The following CFAP36 variants were observed in gnomAD, a reference collection of about 807,000 sequenced individuals.
CFAP36 encodes the protein cilia- and flagella-associated protein 36.
In CFAP36, 37 loss-of-function variants were observed where a neutral mutation model predicts 50.5. That is an observed-to-expected ratio of 0.73 (90% CI 0.56 to 0.96). The LOEUF is 0.96. Ranked by LOEUF, CFAP36 falls within the 50% of genes least tolerant of loss-of-function variation. The pLI is 0.00. For missense variants in CFAP36, 407 were observed against 396.2 expected (o/e 1.03, Z -0.23); for synonymous variants, 138 against 128.2 (o/e 1.08, Z -0.52).
intron 5 of CFAP36, among the ~76,000 whole-genome samples, chr2:55,534,552 A>G (rs574601171): frequency 7.3e-4 from 111 of 152,254 alleles, no homozygotes; most frequent in African/African-American, 2.5e-3. Flanking sequence ...GGTAATGGAC[A>G]TTTCTTTTTC....
chr2:55,538,295 CT>C (rs35529401), intron 7 of CFAP36, among the ~76,000 whole-genome samples: 68,300 of 132,626 alleles, frequency 0.51, 18,066 homozygotes, highest in Non-Finnish European at 0.62. Flanking sequence ...TTTCTTTTAT[CT>C]TTTTTTTTTT....
At chr2:55,538,018 G>T (rs1684537745) in intron 7 of CFAP36, among the ~76,000 whole-genome samples, 2 of 152,156 alleles carry the variant, frequency 1.3e-5, no homozygotes, top group Non-Finnish European at 2.9e-5. Context: ...TAGCCATTTT[G>T]TCCAGATATT....
chr2:55,543,472 C>G (rs1684693778), intron 7 of CFAP36, among the ~76,000 whole-genome samples: 1 of 152,144 alleles, frequency 6.6e-6, no homozygotes, highest in African/African-American at 2.4e-5. Context: ...ACATTACTGG[C>G]ATGCACTCTT....
At chr2:55,520,538 G>T in intron 1 of CFAP36, 1 of 1,347,088 alleles carries the variant, frequency 7.4e-7, no homozygotes, top group Non-Finnish European at 1.0e-6. Context: ...GACCATTCTT[G>T]GAACAAATGA....
intron 1 of CFAP36, chr2:55,520,301 T>G: frequency 7.8e-6 from 8 of 1,027,760 alleles, no homozygotes; most frequent in Non-Finnish European, 1.1e-5. Flanking sequence ...TTGCCAGACT[T>G]GAGAGGAGAA....
intron 1 of CFAP36, among the ~76,000 whole-genome samples, chr2:55,520,869 A>G (rs543210007): frequency 1.3e-5 from 2 of 152,338 alleles, no homozygotes; most frequent in Admixed American, 1.3e-4. Context: ...GTTTCATGAT[A>G]GAATGTATCC....
At chr2:55,537,059 T>C (rs1156388893) in intron 6 of CFAP36, among the ~76,000 whole-genome samples, 1 of 152,176 alleles carries the variant, frequency 6.6e-6, no homozygotes. Context: ...ATATACTTTC[T>C]TATAAGAGTG....
chr2:55,544,939 G>C lies in CFAP36; in HGVS notation c.960G>C (p.Glu320Asp). 1 of 1,605,628 alleles carries C rather than the reference G, an allele frequency of 6.2e-7. No individual in the cohort carries two copies. Among genetic ancestry groups the C allele is most frequent in the Non-Finnish European group, 8.5e-7 (1 of 1,177,386 alleles). ...CAGAGAAACCAGAAATGACAGCAGA[G>C]GAGAAGCAAACATTACTAAAGAGGA... ...EMTEKPEMTA[E>D]EKQTLLKRRL... The change falls in exon 10 of 10, where the codon GAG (glutamate) becomes GAC (aspartate). Residue 320 changes from glutamate to aspartate, a missense_variant. Transcript: ENST00000349456.
chr2:55,530,460 G>C (rs1324096969), intron 4 of CFAP36, among the ~76,000 whole-genome samples: 3 of 152,196 alleles, frequency 2.0e-5, no homozygotes, highest in Non-Finnish European at 4.4e-5. Flanking sequence ...CACTGTTCTA[G>C]GGCACTGGGC....
rs189952820 is a variant in CFAP36 at position 55,544,833 on chromosome 2, T to C, written c.928-74T>C. 25 of 942,026 alleles carry C rather than the reference T, an allele frequency of 2.7e-5. No homozygotes were observed. The East Asian group carries it at 5.9e-4, about 22-fold the overall frequency. 58.4% of individuals were successfully genotyped at this position (942,026 alleles called of 1,614,324 possible). A position where few individuals can be genotyped will look rare whatever the true frequency, so the allele number is the denominator to read the frequency against. On this transcript the variant is annotated intron_variant, in intron 9 of 9. Transcript: ENST00000349456. ...AAGGTGCCCCCGATTTTTGTTCATT[T>C]GAGGCAGTATGTTGGGAATTTTAGA...
chr2:55,523,874 G>T, intron 3 of CFAP36, 52 bp downstream of exon 3: 1 of 1,105,514 alleles, frequency 9.0e-7, no homozygotes, highest in Admixed American at 2.3e-5. Context: ...AATGCCCAGG[G>T]TTAAACACTC....
At chr2:55,541,025 TAAAA>T (rs1242845508) in intron 7 of CFAP36, among the ~76,000 whole-genome samples, 1 of 149,558 alleles carries the variant, frequency 6.7e-6, no homozygotes, top group Non-Finnish European at 1.5e-5. Flanking sequence ...AAAAATAAAA[TAAAA>T]AAATAAAAAA....
At position 55,529,867 on chromosome 2, in the gene CFAP36, C is replaced by T. The variant is rs542034630; in HGVS notation, c.397+875C>T. 1.2e-4 allele frequency among the ~76,000 whole-genome samples: 18 copies of T among 152,042 alleles called. No homozygotes were observed. In the South Asian group the frequency reaches 2.5e-3, roughly 21 times the overall value. ...TTCACCATGTTAGCCAGGATGGTCT[C>T]GATCTCCTGACCTCGTGATCCGCCC... On this transcript the variant is annotated intron_variant, in intron 4 of 9. Transcript: ENST00000349456.
chr2:55,540,894 T>C (rs1034203200), intron 7 of CFAP36, among the ~76,000 whole-genome samples: 1 of 152,108 alleles, frequency 6.6e-6, no homozygotes, highest in African/African-American at 2.4e-5. Flanking sequence ...ACGCCTGTAG[T>C]CCCAGCCTCT....
At chr2:55,526,218 C>A (rs1411407622) in intron 3 of CFAP36, among the ~76,000 whole-genome samples, 1 of 152,176 alleles carries the variant, frequency 6.6e-6, no homozygotes, top group African/African-American at 2.4e-5. Flanking sequence ...ATTGTAAGTC[C>A]TTTGAGCTGT....
chr2:55,529,794 C>A (rs1684307576), intron 4 of CFAP36, among the ~76,000 whole-genome samples: 1 of 151,988 alleles, frequency 6.6e-6, no homozygotes, highest in Admixed American at 6.6e-5. Context: ...CTACAGGCAC[C>A]TGCCACCACT....
At chr2:55,527,606 T>TAAAC (rs1177568854) in intron 3 of CFAP36, among the ~76,000 whole-genome samples, 8 of 149,820 alleles carry the variant, frequency 5.3e-5, no homozygotes, top group Non-Finnish European at 1.2e-4. Flanking sequence ...AATAAATAAA[T>TAAAC]AAACAAACAA....
intron 7 of CFAP36, among the ~76,000 whole-genome samples, chr2:55,540,847 C>CA (rs904465264): frequency 1.6e-4 from 24 of 150,924 alleles, no homozygotes; most frequent in African/African-American, 5.6e-4. Context: ...CCTGTCTTTA[C>CA]AAAAAAAATA....
At chr2:55,531,182 C>T (rs1428947922) in intron 4 of CFAP36, 1 of 152,220 alleles carries the variant, frequency 6.6e-6, no homozygotes, top group East Asian at 1.9e-4. Context: ...TAGTCTCTTT[C>T]TACTGTGGTT....
Sources: allele counts gnomAD v4.1 joint callset (sites outside exome capture counted in the v4.1 genomes callset), GRCh38; gene constraint gnomAD v4.1.1; transcripts MANE v1.5; gene names NCBI Gene and HGNC (gene_info 2026-07-23, HGNC 2026-07-21).